The following EPM2A variants were observed in gnomAD, a reference collection of about 807,000 sequenced individuals.
The protein encoded by EPM2A is laforin.
In EPM2A, 21 loss-of-function variants were observed where a neutral mutation model predicts 26.5. The observed-to-expected ratio is 0.79, with a 90% CI of 0.56 to 1.14. The LOEUF (loss-of-function observed/expected upper bound fraction) is 1.14. EPM2A is among the 50% of genes most tolerant of loss of function. The pLI is 0.00. For synonymous variants in EPM2A, 217 were observed against 177.6 expected (o/e 1.22, Z -1.76); for missense variants, 458 against 440.8 (o/e 1.04, Z -0.35).
chr6:145,537,224 G>A (rs570475847), intron 2 of EPM2A, among the ~76,000 whole-genome samples: 14 of 152,172 alleles, frequency 9.2e-5, no homozygotes, highest in Non-Finnish European at 1.6e-4. Context: ...TAGATAAGGA[G>A]TTGGTTTCCT....
In EPM2A at chr6:145,440,371, T is replaced by C. The variant is rs557677839; in HGVS notation, c.556-56274A>G. 5.9e-5 allele frequency among the ~76,000 whole-genome samples: 9 copies of C among 152,322 alleles called. No individual in the cohort carries two copies. The South Asian group carries it at 1.9e-3, about 32-fold the overall frequency. Reference sequence around the variant, plus strand: ...TCCCTCTCACAACAAAACGGAATTATGGAAGCTGCAATTCAAGTTGAGATT... The same window carrying C: ...TCCCTCTCACAACAAAACGGAATTACGGAAGCTGCAATTCAAGTTGAGATT... On this transcript the variant is annotated intron_variant, in intron 4 of 4. Coordinates refer to the EPM2A transcript ENST00000638717.
At chr6:145,714,796 C>T (rs1395088180) in intron 1 of EPM2A, among the ~76,000 whole-genome samples, 4 of 152,156 alleles carry the variant, frequency 2.6e-5, no homozygotes, top group African/African-American at 4.8e-5. Context: ...TTCACTATCA[C>T]GAGAACAACA....
intron 2 of EPM2A, among the ~76,000 whole-genome samples, chr6:145,646,135 C>T (rs931046558): frequency 1.3e-5 from 2 of 152,066 alleles, no homozygotes; most frequent in African/African-American, 4.8e-5. Flanking sequence ...ACTGTTGTTT[C>T]ACTGACAATT....
At chr6:145,539,821 G>T (rs973325646) in intron 2 of EPM2A, among the ~76,000 whole-genome samples, 6 of 152,276 alleles carry the variant, frequency 3.9e-5, no homozygotes, top group South Asian at 4.1e-4. Context: ...CCTAGGGATA[G>T]TAAACAATTC....
intron 2 of EPM2A, among the ~76,000 whole-genome samples, chr6:145,612,839 T>A (rs1466756735): frequency 6.6e-6 from 1 of 151,756 alleles, no homozygotes; most frequent in African/African-American, 2.4e-5. Context: ...CAAGTCATAA[T>A]CTTTTGCTGG....
chr6:145,471,544 C>G (rs1437989491), intron 4 of EPM2A, among the ~76,000 whole-genome samples: 1 of 152,058 alleles, frequency 6.6e-6, no homozygotes, highest in Non-Finnish European at 1.5e-5. Context: ...TTCTGAATTG[C>G]CAACACCACT....
chr6:145,690,035 G>A (rs1372912892), intron 1 of EPM2A, among the ~76,000 whole-genome samples: 2 of 152,022 alleles, frequency 1.3e-5, no homozygotes, highest in East Asian at 3.9e-4. Flanking sequence ...CCCTGTCTCA[G>A]CCAGGGAGCT....
At chr6:145,668,973 G>A (rs970216616) in intron 2 of EPM2A, among the ~76,000 whole-genome samples, 5 of 152,118 alleles carry the variant, frequency 3.3e-5, no homozygotes, top group African/African-American at 1.2e-4. Flanking sequence ...GTGTATACGT[G>A]TGTGTACATG....
chr6:145,539,267 C>T (rs1235686668), intron 2 of EPM2A, among the ~76,000 whole-genome samples: 1 of 152,158 alleles, frequency 6.6e-6, no homozygotes, highest in African/African-American at 2.4e-5. Context: ...TTTAAAATCA[C>T]TTTTTTCTTT....
At chr6:145,677,828 A>G (rs1399640212) in intron 2 of EPM2A, among the ~76,000 whole-genome samples, 2 of 152,218 alleles carry the variant, frequency 1.3e-5, no homozygotes, top group African/African-American at 4.8e-5. Context: ...AGGAAGAATC[A>G]ATATCGTGAA....
intron 1 of EPM2A, among the ~76,000 whole-genome samples, chr6:145,733,177 AT>A (rs1482149707): frequency 6.6e-6 from 1 of 152,184 alleles, no homozygotes; most frequent in African/African-American, 2.4e-5. Flanking sequence ...AAATTGTAAT[AT>A]TTTTCTTATC....
At chr6:145,427,742 T>G (rs1323495915) in intron 4 of EPM2A, among the ~76,000 whole-genome samples, 1 of 152,230 alleles carries the variant, frequency 6.6e-6, no homozygotes. Context: ...TTTTTCAATA[T>G]GTAACATGTC....
At chr6:145,674,396 GT>G (rs1779870073) in intron 2 of EPM2A, among the ~76,000 whole-genome samples, 1 of 152,164 alleles carries the variant, frequency 6.6e-6, no homozygotes, top group Non-Finnish European at 1.5e-5. Flanking sequence ...AAGGACTGCA[GT>G]TCCTTGGGGG....
Position 145,627,042 on chromosome 6 carries a change from C to T in EPM2A, c.*374G>A. Reference sequence around the variant, plus strand: ...ACATAACTCCATATCTTTTCCTCTACATGGCCAAGAGTTTCAGTGCAACAG... The same window carrying T: ...ACATAACTCCATATCTTTTCCTCTATATGGCCAAGAGTTTCAGTGCAACAG... On this transcript the variant is annotated 3_prime_UTR_variant, in exon 4 of 4. Coordinates refer to ENST00000367519, the MANE Select transcript of EPM2A (RefSeq NM_005670.4). The T allele has an allele frequency of 8.6e-7, 1 of 1,158,726 alleles. No individual in the cohort carries two copies. The highest frequency in any genetic ancestry group is 4.4e-5 in the Admixed American group (1 of 22,800). 71.8% of individuals were successfully genotyped at this position (1,158,726 alleles called of 1,614,324 possible). A position where few individuals can be genotyped will look rare whatever the true frequency, so the allele number is the denominator to read the frequency against.
intron 4 of EPM2A, among the ~76,000 whole-genome samples, chr6:145,478,844 A>T (rs947493652): frequency 5.9e-5 from 9 of 151,770 alleles, no homozygotes; most frequent in African/African-American, 2.2e-4. Context: ...TAAATACCAG[A>T]TAATGTAGTC....
chr6:145,602,926 A>C (rs1781433742), intron 2 of EPM2A, among the ~76,000 whole-genome samples: 1 of 152,214 alleles, frequency 6.6e-6, no homozygotes, highest in Non-Finnish European at 1.5e-5. Context: ...AATCCACGCA[A>C]GTCAGCATAA....
chr6:145,425,116 C>CCCTT (rs71028346), intron 4 of EPM2A, among the ~76,000 whole-genome samples: 16,736 of 131,840 alleles, frequency 0.13, 1,255 homozygotes, highest in South Asian at 0.24. Context: ...ATGTAAGTCT[C>CCCTT]CCTTCCTTCC....
intron 2 of EPM2A, among the ~76,000 whole-genome samples, chr6:145,661,940 CATT>C (rs1778742949): frequency 6.6e-6 from 1 of 152,148 alleles, no homozygotes; most frequent in African/African-American, 2.4e-5. Context: ...AAAAACTCAT[CATT>C]ATGGCTATAA....
chr6:145,391,603 T>C (rs1265631755), intron 4 of EPM2A, among the ~76,000 whole-genome samples: 1 of 152,204 alleles, frequency 6.6e-6, no homozygotes, highest in African/African-American at 2.4e-5. Flanking sequence ...CATAAATTAT[T>C]GTCTCATCTT....
Sources: allele counts gnomAD v4.1 joint callset (sites outside exome capture counted in the v4.1 genomes callset), GRCh38; gene constraint gnomAD v4.1.1; transcripts MANE v1.5; gene names NCBI Gene and HGNC (gene_info 2026-07-23, HGNC 2026-07-21).